Variants in CDH8 observed in about 807,000 individuals in gnomAD.
The protein encoded by CDH8 is cadherin-8.
A neutral mutation model predicts 68.1 loss-of-function variants in CDH8; 17 were observed. That is an observed-to-expected ratio of 0.25 (90% CI 0.17 to 0.37). The LOEUF (loss-of-function observed/expected upper bound fraction) is 0.37. CDH8 is among the 10% of genes least tolerant of loss of function. The pLI, the probability that CDH8 is intolerant of heterozygous loss-of-function variation, is 1.00. For missense variants in CDH8, 763 were observed against 999.3 expected (o/e 0.76, Z 3.19); for synonymous variants, 372 against 365.1 (o/e 1.02, Z -0.21).
chr16:62,010,391 G>T (rs950523335), intron 2 of CDH8, among the ~76,000 whole-genome samples: 2 of 152,110 alleles, frequency 1.3e-5, no homozygotes. Flanking sequence ...CATGGTGACA[G>T]GAACAAAATC....
At chr16:61,845,502 TAAA>T (rs749345691) in intron 4 of CDH8, among the ~76,000 whole-genome samples, 1 of 117,716 alleles carries the variant, frequency 8.5e-6, no homozygotes. Flanking sequence ...TCCAGATATG[TAAA>T]AAAAAAAAAA....
At chr16:61,667,878 C>T (rs994545933) in intron 10 of CDH8, 6 of 152,034 alleles carry the variant, frequency 3.9e-5, no homozygotes, top group Admixed American at 2.0e-4. Context: ...CAGCTGGAGG[C>T]TAAAAATTAC....
At position 61,960,015 on chromosome 16, in the gene CDH8, T is replaced by TATATATATAC. The variant is rs1198530274; in HGVS notation, c.253-58543_253-58542insGTATATATAT. On this transcript the variant is annotated intron_variant, in intron 2 of 11. Coordinates refer to ENST00000577390, the MANE Select transcript of CDH8 (RefSeq NM_001796.5). ...ATATATATATATATATATATATATA[T>TATATATATAC]ACACACATACACACACACACACAAC... Among the ~76,000 whole-genome samples the TATATATATAC allele has an allele frequency of 2.0e-3, 150 of 73,222 alleles. 13 individuals carry two copies. The highest frequency in any genetic ancestry group is 7.4e-3 in the Middle Eastern group (1 of 136). 48.0% of individuals were successfully genotyped at this position (73,222 alleles called of 152,430 possible). A position where few individuals can be genotyped will look rare whatever the true frequency, so the allele number is the denominator to read the frequency against.
At chr16:61,871,769 C>G (rs1305711850) in intron 3 of CDH8, among the ~76,000 whole-genome samples, 2 of 110,848 alleles carry the variant, frequency 1.8e-5, no homozygotes, top group African/African-American at 7.0e-5. Flanking sequence ...TTCTGACTAA[C>G]AGTAAATTAC....
intron 3 of CDH8, among the ~76,000 whole-genome samples, chr16:61,879,026 C>G (rs1963516455): frequency 6.6e-6 from 1 of 152,054 alleles, no homozygotes; most frequent in Non-Finnish European, 1.5e-5. Flanking sequence ...TTATTTGCCC[C>G]CATGTCCTGC....
rs190310623 is a variant in CDH8, at chr16:61,686,077, G to A, written c.1654+27764C>T. Among the ~76,000 whole-genome samples the A allele has an allele frequency of 2.0e-5, 3 of 152,054 alleles. No homozygotes were observed. The East Asian group carries it at 5.8e-4, about 30-fold the overall frequency. ...AATTTAAGAAATTTAGATAAATGTG[G>A]AGTTGCCAGTTTTTGCTTATACGTA... On this transcript the variant is annotated intron_variant, in intron 10 of 11. Coordinates refer to ENST00000577390, the MANE Select transcript of CDH8 (RefSeq NM_001796.5).
chr16:61,983,261 A>G (rs1453446570), intron 2 of CDH8, among the ~76,000 whole-genome samples: 1 of 152,144 alleles, frequency 6.6e-6, no homozygotes, highest in Non-Finnish European at 1.5e-5. Flanking sequence ...GAGATTCACC[A>G]TTGTTGATGC....
rs148621624 is a variant in CDH8, at chr16:61,738,632, A to T, written c.1415-11417T>A. On this transcript the variant is annotated intron_variant, in intron 8 of 11. Transcript: ENST00000577390. ...TCCAAATAAAGATAACATGAGAGAC[A>T]GTTTATAAAAATCAATAGTGTGAAT... Among the ~76,000 whole-genome samples the T allele has an allele frequency of 2.6e-5, 4 of 152,308 alleles. No individual in the cohort carries two copies. In the East Asian group the frequency reaches 7.7e-4, roughly 29 times the overall value.
chr16:61,928,888 T>A (rs1239121827), intron 2 of CDH8, among the ~76,000 whole-genome samples: 2 of 152,146 alleles, frequency 1.3e-5, no homozygotes, highest in African/African-American at 4.8e-5. Context: ...TGTTCTTTAA[T>A]AGGGCTTATA....
chr16:61,706,644 A>AAAAAAAAAT (rs1468847521), intron 10 of CDH8, among the ~76,000 whole-genome samples: 2 of 148,134 alleles, frequency 1.4e-5, no homozygotes, highest in African/African-American at 2.5e-5. Context: ...AAAAAAAAAA[A>AAAAAAAAAT]GTGTAACTGG....
In CDH8 at chr16:61,700,277, TG is replaced by T. The variant is rs1365437561; in HGVS notation, c.1654+13563del. Among the ~76,000 whole-genome samples the T allele has an allele frequency of 5.6e-3, 851 of 150,890 alleles. 8 individuals carry two copies. Among genetic ancestry groups the T allele is most frequent in the African/African-American group, 0.02 (805 of 41,172 alleles). ...ATCATATATTAGATCTATTTTTAGT[TG>T]TTTTTTTTTTTTTTTCTTTTGAGAC... is the stretch of plus-strand genomic sequence containing the variant. On this transcript the variant is annotated intron_variant, in intron 10 of 11. Coordinates refer to ENST00000577390, the MANE Select transcript of CDH8 (RefSeq NM_001796.5).
chr16:61,811,242 A>G (rs1429862834), intron 7 of CDH8, among the ~76,000 whole-genome samples: 1 of 152,172 alleles, frequency 6.6e-6, no homozygotes, highest in Non-Finnish European at 1.5e-5. Context: ...TGAATGAATG[A>G]ATGAATGAGT....
chr16:61,796,997 A>G (rs1961515466), intron 7 of CDH8, among the ~76,000 whole-genome samples: 1 of 152,120 alleles, frequency 6.6e-6, no homozygotes, highest in Non-Finnish European at 1.5e-5. Flanking sequence ...TATTAAATAG[A>G]AACTTTCACC....
At chr16:61,754,565 C>T (rs11639560) in intron 8 of CDH8, among the ~76,000 whole-genome samples, 24,978 of 151,430 alleles carry the variant, frequency 0.16, 2,215 homozygotes, top group Middle Eastern at 0.21. Context: ...GATATTTTGA[C>T]GCATGTATAG....
At chr16:61,931,559 T>C (rs1031046489) in intron 2 of CDH8, among the ~76,000 whole-genome samples, 9 of 152,166 alleles carry the variant, frequency 5.9e-5, no homozygotes, top group African/African-American at 2.2e-4. Context: ...AAGCAGTATG[T>C]TGCTCTTGTC....
chr16:61,850,617 T>C lies in CDH8; in HGVS notation c.667+6502A>G, dbSNP rs1395775010. Among the ~76,000 whole-genome samples the C allele has an allele frequency of 3.9e-5, 6 of 152,156 alleles. No homozygotes were observed. The East Asian group carries it at 1.2e-3, about 30-fold the overall frequency. ...CTAATACCATTGAGAAAATGAAAACTATTTAATTTCTCAATATCACCCTGA... is the reference window on the plus strand; with the variant it reads ...CTAATACCATTGAGAAAATGAAAACCATTTAATTTCTCAATATCACCCTGA... On this transcript the variant is annotated intron_variant, in intron 4 of 11. Transcript: ENST00000577390.
At chr16:62,014,389 C>T (rs1234462646) in intron 2 of CDH8, among the ~76,000 whole-genome samples, 2 of 152,238 alleles carry the variant, frequency 1.3e-5, no homozygotes, top group Non-Finnish European at 2.9e-5. Flanking sequence ...TTGAGACATG[C>T]GTGCTGACTT....
intron 2 of CDH8, among the ~76,000 whole-genome samples, chr16:61,980,824 G>T (rs1199699306): frequency 6.6e-6 from 1 of 152,074 alleles, no homozygotes; most frequent in Non-Finnish European, 1.5e-5. Flanking sequence ...AAAATATAAT[G>T]TCAGAAAATA....
At chr16:61,675,299 G>C (rs1963880462) in intron 10 of CDH8, among the ~76,000 whole-genome samples, 1 of 151,894 alleles carries the variant, frequency 6.6e-6, no homozygotes, top group South Asian at 2.1e-4. Context: ...ATCCTTTGTA[G>C]GGACATGGAT....
Sources: gnomAD v4.1 joint callset for allele counts (sites outside exome capture counted in the v4.1 genomes callset) on GRCh38, gnomAD v4.1.1 for gene constraint, MANE v1.5 for transcripts, NCBI Gene and HGNC (gene_info 2026-07-23, HGNC 2026-07-21) for gene names.